ZC3H4: variants seen among roughly 807,000 people sequenced by gnomAD.
ZC3H4 encodes zinc finger CCCH-type containing 4.
A neutral mutation model predicts 108.3 loss-of-function variants in ZC3H4; 13 were observed. That is an observed-to-expected ratio of 0.12 (90% CI 0.08 to 0.19). The LOEUF (loss-of-function observed/expected upper bound fraction) is 0.19, where lower values mean the gene tolerates loss of function less well. Among genes scored for constraint, ZC3H4 ranks in the 10% least tolerant of loss-of-function variants. The pLI, the probability that ZC3H4 is intolerant of heterozygous loss-of-function variation, is 1.00. For synonymous variants in ZC3H4, 917 were observed against 749.6 expected (o/e 1.22, Z -3.65); for missense variants, 1,734 against 1,838.8 (o/e 0.94, Z 1.04).
chr19:47,103,805 G>A (rs536758649), intron 2 of ZC3H4, among the ~76,000 whole-genome samples: 5 of 151,094 alleles, frequency 3.3e-5, no homozygotes, highest in Non-Finnish European at 5.9e-5. Flanking sequence ...TAAGCCAGGC[G>A]TGGTGGCAGG....
rs1568523508 is a variant in ZC3H4, at chr19:47,066,610, G to GGTTGTAGCTGTT, written c.3646_3657dup (p.Asn1216_Asn1219dup). Reference sequence around the variant, plus strand: ...GCTGCAGCAGCCTTGGGCCGGGGCCGGTTGTAGCTGTTGTATCTGTCCGTG... The same window carrying GGTTGTAGCTGTT: ...GCTGCAGCAGCCTTGGGCCGGGGCCGGTTGTAGCTGTTGTTGTAGCTGTTGTATCTGTCCGTG... On this transcript the variant is annotated inframe_insertion, in exon 15 of 15. Transcript: ENST00000253048. 1 of 1,608,212 alleles carries GGTTGTAGCTGTT rather than the reference G, an allele frequency of 6.2e-7. No individual in the cohort carries two copies. The highest frequency in any genetic ancestry group is 1.3e-5 in the African/African-American group (1 of 74,996).
Position 47,067,008 on chromosome 19 carries a change from T to C in ZC3H4, c.3260A>G (p.Asp1087Gly), listed in dbSNP as rs1292972558. Reference sequence around the variant, plus strand: ...GGCAGCCCGGGAGGAGGCCGTAGAGTCTGTGGGTTTCTGCAGCCGAGGGTC... The same window carrying C: ...GGCAGCCCGGGAGGAGGCCGTAGAGCCTGTGGGTTTCTGCAGCCGAGGGTC... ...PTDPRLQKPT[D>G]STASSRAAKP... Residue 1087 changes from aspartate (D) to glycine (G), a missense_variant, in exon 15 of 15, where the codon GAC becomes GGC. Asp to Gly is a moderately conservative substitution (Grantham distance 94). Transcript: ENST00000253048. The surrounding 1 kb of genome is among the most constrained non-coding windows in gnomAD (Gnocchi z 6.4). The C allele has an allele frequency of 1.3e-6, 2 of 1,594,268 alleles. No individual in the cohort carries two copies. The highest frequency in any genetic ancestry group is 1.7e-6 in the Non-Finnish European group (2 of 1,170,370).
chr19:47,108,423 G>T lies in ZC3H4; in HGVS notation c.161+4001C>A, dbSNP rs571337135. On this transcript the variant is annotated intron_variant, in intron 2 of 14. Transcript: ENST00000253048. ...CCTCTATGGAGAGATGTTTCTACAGGCCCAATAGCCATAAAAATGTAACAA... is the reference window on the plus strand; with the variant it reads ...CCTCTATGGAGAGATGTTTCTACAGTCCCAATAGCCATAAAAATGTAACAA... Among the ~76,000 whole-genome samples, 7 of 152,102 alleles carry T rather than the reference G, an allele frequency of 4.6e-5. No homozygotes were observed. The South Asian group carries it at 1.5e-3, about 32-fold the overall frequency.
intron 4 of ZC3H4, among the ~76,000 whole-genome samples, chr19:47,091,514 C>T (rs977333635): frequency 1.3e-5 from 2 of 151,712 alleles, no homozygotes; most frequent in African/African-American, 4.8e-5. Flanking sequence ...GCAGAGGATG[C>T]GGTGAGGCAA....
chr19:47,110,941 A>C (rs2058030727), intron 2 of ZC3H4: 1 of 985,048 alleles, frequency 1.0e-6, no homozygotes, highest in Non-Finnish European at 1.2e-6. Context: ...ATTTCTTTTA[A>C]AAGGCAAAGT....
chr19:47,091,467 G>A (rs181381085), intron 4 of ZC3H4, among the ~76,000 whole-genome samples: 6 of 151,896 alleles, frequency 4.0e-5, no homozygotes, highest in African/African-American at 1.2e-4. Context: ...CCAGCTACTC[G>A]GGAGACTGAG....
chr19:47,073,632 T>C (rs983480074), intron 11 of ZC3H4, among the ~76,000 whole-genome samples: 12 of 152,222 alleles, frequency 7.9e-5, no homozygotes, highest in Non-Finnish European at 1.6e-4. Context: ...AACAATGTTA[T>C]GTAACCGCCA....
chr19:47,097,037 G>A, intron 2 of ZC3H4: 1 of 975,024 alleles, frequency 1.0e-6, no homozygotes, highest in East Asian at 1.1e-4. Context: ...ACACCTGCGG[G>A]CAGAGGACAA....
In ZC3H4 at chr19:47,104,522, CT is replaced by C. The variant is rs34763350; in HGVS notation, c.161+7901del. Among the ~76,000 whole-genome samples, 6 of 152,188 alleles carry C rather than the reference CT, an allele frequency of 3.9e-5. No individual in the cohort carries two copies. In the East Asian group the frequency reaches 7.7e-4, roughly 20 times the overall value. On this transcript the variant is annotated intron_variant, in intron 2 of 14. Coordinates refer to ENST00000253048, the MANE Select transcript of ZC3H4 (RefSeq NM_015168.2). ...AAGTATCAATCTCAGCTCTCATACC[CT>C]TTTGGTCAATTTCATCAATAGAAAC...
At chr19:47,111,986 A>T (rs566283787) in intron 2 of ZC3H4, among the ~76,000 whole-genome samples, 1 of 151,708 alleles carries the variant, frequency 6.6e-6, no homozygotes, top group Non-Finnish European at 1.5e-5. Flanking sequence ...CCCCTCCCCC[A>T]TCCCCTTCCC....
chr19:47,065,307 C>T lies in ZC3H4; in HGVS notation c.*1049G>A, dbSNP rs935820094. The T allele has an allele frequency of 6.5e-6, 1 of 152,748 alleles. No individual in the cohort carries two copies. Among genetic ancestry groups the T allele is most frequent in the Non-Finnish European group, 1.5e-5 (1 of 68,116 alleles). The allele number at this position is 152,748 out of a possible 1,614,324, so 9.5% of individuals were successfully genotyped here. A position where few individuals can be genotyped will look rare whatever the true frequency, so the allele number is the denominator to read the frequency against. On this transcript the variant is annotated 3_prime_UTR_variant, in exon 15 of 15. Transcript: ENST00000253048. ...GAAAGGAAACCCGAACACATCAATA[C>T]CTCATGCCCTGCAGGTCACACAGTG...
intron 2 of ZC3H4, among the ~76,000 whole-genome samples, chr19:47,101,519 GC>G (rs921645049): frequency 6.6e-5 from 10 of 152,052 alleles, no homozygotes; most frequent in Non-Finnish European, 1.5e-4. Flanking sequence ...ATGAGCCATT[GC>G]ACCCAGCCTC....
intron 2 of ZC3H4, among the ~76,000 whole-genome samples, chr19:47,098,078 G>A (rs1216064778): frequency 1.3e-5 from 2 of 152,164 alleles, no homozygotes; most frequent in African/African-American, 4.8e-5. Flanking sequence ...TTCAGCACTG[G>A]CTGCTCCTCC....
intron 2 of ZC3H4, among the ~76,000 whole-genome samples, chr19:47,111,954 TC>T (rs1038431770): frequency 1.3e-5 from 2 of 151,244 alleles, no homozygotes; most frequent in Non-Finnish European, 2.9e-5. Context: ...TTGTTCGAGA[TC>T]CCCCCAAAAA....
Position 47,112,859 on chromosome 19 carries a change from C to CG in ZC3H4, c.-5-271dup, listed in dbSNP as rs770703824. Among the ~76,000 whole-genome samples the CG allele has an allele frequency of 7.2e-5, 11 of 151,876 alleles. No individual in the cohort carries two copies. The East Asian group carries it at 9.8e-4, about 13-fold the overall frequency. On this transcript the variant is annotated intron_variant, in intron 1 of 14. Transcript: ENST00000253048. ...CGAGAGCCCCCCCCCCACGCACCCCCGGGGGGCGGGACACCCGGGAGACAC... is the reference window on the plus strand; with the variant it reads ...CGAGAGCCCCCCCCCCACGCACCCCCGGGGGGGCGGGACACCCGGGAGACAC...
At chr19:47,093,075 G>A (rs1435314965) in intron 4 of ZC3H4, among the ~76,000 whole-genome samples, 1 of 151,772 alleles carries the variant, frequency 6.6e-6, no homozygotes, top group Non-Finnish European at 1.5e-5. Context: ...ACTTGGCCGG[G>A]AGTGGTGGCG....
chr19:47,067,157 G>A lies in ZC3H4; in HGVS notation c.3111C>T (p.Gly1037=), dbSNP rs759443509. 18 of 1,611,778 alleles carry A rather than the reference G, an allele frequency of 1.1e-5. No homozygotes were observed. The highest frequency in any genetic ancestry group is 3.3e-5 in the Admixed American group (2 of 59,830). The change falls in exon 15 of 15, where the codon GGC becomes GGT. Residue 1037 remains glycine (G), a synonymous_variant. Transcript: ENST00000253048. The surrounding 1 kb of genome is among the most constrained non-coding windows in gnomAD (Gnocchi z 6.4). ...PGASTDSSTQ[G]ANLPDFELLS... Reference sequence around the variant, plus strand: ...GAAGTTCAAAGTCGGGGAGGTTGGCGCCCTGTGTGCTGGAATCCGTGGAGG... The same window carrying A: ...GAAGTTCAAAGTCGGGGAGGTTGGCACCCTGTGTGCTGGAATCCGTGGAGG...
At chr19:47,105,439 A>G (rs2057956611) in intron 2 of ZC3H4, among the ~76,000 whole-genome samples, 1 of 152,146 alleles carries the variant, frequency 6.6e-6, no homozygotes, top group Non-Finnish European at 1.5e-5. Context: ...CATCTCTACT[A>G]AAAACACAGA....
intron 2 of ZC3H4, among the ~76,000 whole-genome samples, chr19:47,103,436 T>C (rs1305937842): frequency 2.6e-5 from 4 of 152,148 alleles, no homozygotes; most frequent in Non-Finnish European, 4.4e-5. Flanking sequence ...CCCAAGTAGA[T>C]GGGACTACAA....
Sources: allele counts gnomAD v4.1 joint callset (sites outside exome capture counted in the v4.1 genomes callset), GRCh38; gene constraint gnomAD v4.1.1; non-coding constraint Gnocchi (gnomAD v3.1); transcripts MANE v1.5; gene names NCBI Gene and HGNC (gene_info 2026-07-23, HGNC 2026-07-21).